PPARG: variants seen among roughly 807,000 people sequenced by gnomAD.
PPARG encodes peroxisome proliferator activated receptor gamma, also known as peroxisome proliferator-activated receptor gamma.
A neutral mutation model predicts 39.2 loss-of-function variants in PPARG; 17 were observed. That is an observed-to-expected ratio of 0.43 (90% CI 0.30 to 0.65). The LOEUF (loss-of-function observed/expected upper bound fraction) is 0.65. PPARG is among the 30% of genes least tolerant of loss of function. The pLI is 0.13. For synonymous variants in PPARG, 223 were observed against 215.7 expected, an observed-to-expected ratio of 1.03 and a Z score of -0.30; for missense variants, 406 against 585.9, an observed-to-expected ratio of 0.69 and a Z score of 3.17.
intron 2 of PPARG, among the ~76,000 whole-genome samples, chr3:12,369,153 C>A (rs995943041): frequency 2.6e-5 from 4 of 152,150 alleles, no homozygotes; most frequent in African/African-American, 4.8e-5. Flanking sequence ...TTACCTCTTT[C>A]ACATATTTCT....
rs1363029786 is a variant in PPARG, at chr3:12,367,078, G to A, written c.-8-12626G>A. Among the ~76,000 whole-genome samples, 5 of 152,126 alleles carry A rather than the reference G, an allele frequency of 3.3e-5. No individual in the cohort carries two copies. The East Asian group carries it at 9.7e-4, about 29-fold the overall frequency. ...GATTCAATTTCATTAATAAATGTAG[G>A]CCTATTCCATTTCTCTATTTCATCT... is the stretch of plus-strand genomic sequence containing the variant. On this transcript the variant is annotated intron_variant, in intron 2 of 7. Transcript: ENST00000651735.
chr3:12,397,069 T>A (rs1317187178), intron 5 of PPARG, among the ~76,000 whole-genome samples: 1 of 152,046 alleles, frequency 6.6e-6, no homozygotes, highest in Admixed American at 6.6e-5. Flanking sequence ...CTCTATAACA[T>A]TGAGATTTGG....
At chr3:12,337,127 T>C (rs1013571991) in intron 2 of PPARG, among the ~76,000 whole-genome samples, 26 of 152,226 alleles carry the variant, frequency 1.7e-4, no homozygotes, top group Non-Finnish European at 2.9e-4. Context: ...TATGAGTTAC[T>C]AGGATGAATT....
intron 6 of PPARG, among the ~76,000 whole-genome samples, chr3:12,409,151 A>G (rs1425216930): frequency 6.6e-6 from 1 of 152,222 alleles, no homozygotes; most frequent in Non-Finnish European, 1.5e-5. Flanking sequence ...GCTTAATTGA[A>G]TTAAACACAG....
chr3:12,300,889 GTGCACTATATAC>G, intron 1 of PPARG, among the ~76,000 whole-genome samples: 1 of 152,178 alleles, frequency 6.6e-6, no homozygotes, highest in East Asian at 1.9e-4. Flanking sequence ...GCCAAACTGG[GTGCACTATATAC>G]ACTTTTTAAT....
At chr3:12,293,786 T>A in intron 1 of PPARG, among the ~76,000 whole-genome samples, 1 of 152,180 alleles carries the variant, frequency 6.6e-6, no homozygotes, top group South Asian at 2.1e-4. Context: ...AAGGAATAAA[T>A]TTTCCTTCAT....
intron 7 of PPARG, among the ~76,000 whole-genome samples, chr3:12,422,537 C>A (rs1328711958): frequency 6.6e-6 from 1 of 151,990 alleles, no homozygotes; most frequent in African/African-American, 2.4e-5. Context: ...AGTTCTTTGG[C>A]GGTTATCAAA....
At chr3:12,362,726 C>T (rs1180069886) in intron 2 of PPARG, among the ~76,000 whole-genome samples, 1 of 151,854 alleles carries the variant, frequency 6.6e-6, no homozygotes, top group African/African-American at 2.4e-5. Context: ...AGTATCATTA[C>T]CTTGTTGCTG....
intron 2 of PPARG, among the ~76,000 whole-genome samples, chr3:12,342,226 C>A (rs904219145): frequency 6.6e-6 from 1 of 152,142 alleles, no homozygotes; most frequent in Non-Finnish European, 1.5e-5. Flanking sequence ...GAGAATCAAG[C>A]TAAATGATAC....
intron 2 of PPARG, among the ~76,000 whole-genome samples, chr3:12,364,876 A>G (rs535246568): frequency 6.6e-6 from 1 of 152,312 alleles, no homozygotes; most frequent in African/African-American, 2.4e-5. Context: ...TCATTTTTAA[A>G]ACAGGGTTAT....
At chr3:12,306,311 C>T (rs976150713) in intron 1 of PPARG, among the ~76,000 whole-genome samples, 3 of 152,162 alleles carry the variant, frequency 2.0e-5, no homozygotes, top group Non-Finnish European at 4.4e-5. Context: ...CAATAATGTT[C>T]GCTCGCCCAC....
At chr3:12,340,988 G>T (rs2048166309) in intron 2 of PPARG, among the ~76,000 whole-genome samples, 1 of 152,084 alleles carries the variant, frequency 6.6e-6, no homozygotes, top group Admixed American at 6.6e-5. Context: ...TTCAAGACCA[G>T]TCTGGCCAAT....
At chr3:12,433,753 TC>T (rs1446136203) in intron 7 of PPARG, 144 bp from the exon 8 acceptor site, 4 of 1,148,974 alleles carry the variant, frequency 3.5e-6, no homozygotes, top group Non-Finnish European at 5.3e-6. Flanking sequence ...TGCTTACCCT[TC>T]CTCCCCACCT....
At chr3:12,321,792 A>G (rs7646425) in intron 2 of PPARG, among the ~76,000 whole-genome samples, 2,739 of 152,298 alleles carry the variant, frequency 0.018, 88 homozygotes, top group African/African-American at 0.06. Context: ...TATGACTGGG[A>G]TGGATTGATT....
At chr3:12,318,547 C>A (rs2047450046) in intron 2 of PPARG, among the ~76,000 whole-genome samples, 1 of 152,006 alleles carries the variant, frequency 6.6e-6, no homozygotes. Context: ...TTTTAAGATA[C>A]AAAACTATAT....
chr3:12,384,130 A>G (rs892624640), intron 4 of PPARG, among the ~76,000 whole-genome samples: 1 of 152,164 alleles, frequency 6.6e-6, no homozygotes, highest in Non-Finnish European at 1.5e-5. Flanking sequence ...CACGTTTTAA[A>G]GGTAAGAATA....
At chr3:12,304,423 G>A (rs374088866) in intron 1 of PPARG, among the ~76,000 whole-genome samples, 26 of 152,266 alleles carry the variant, frequency 1.7e-4, no homozygotes, top group Admixed American at 5.2e-4. Context: ...GACTCCTATA[G>A]GAGTGATAGC....
At chr3:12,295,809 C>G (rs2046765841) in intron 1 of PPARG, among the ~76,000 whole-genome samples, 1 of 152,126 alleles carries the variant, frequency 6.6e-6, no homozygotes, top group East Asian at 1.9e-4. Flanking sequence ...GCCACCGTGC[C>G]TGGCAAAGAA....
At chr3:12,313,370 A>G (rs2047303844) in intron 2 of PPARG, among the ~76,000 whole-genome samples, 2 of 152,146 alleles carry the variant, frequency 1.3e-5, no homozygotes, top group African/African-American at 4.8e-5. Flanking sequence ...GTGGTTTCCA[A>G]ATACAGGCTG....
Sources: gnomAD v4.1 joint callset for allele counts (sites outside exome capture counted in the v4.1 genomes callset) on GRCh38, gnomAD v4.1.1 for gene constraint, MANE v1.5 for transcripts, NCBI Gene and HGNC (gene_info 2026-07-23, HGNC 2026-07-21) for gene names.